The following USP34 variants were observed in gnomAD, a reference collection of about 807,000 sequenced individuals.
USP34 encodes ubiquitin specific peptidase 34, also known as ubiquitin carboxyl-terminal hydrolase 34.
USP34 carries 70 observed loss-of-function variants against 460.3 expected under a neutral mutation model. The observed-to-expected ratio is 0.15, with a 90% CI of 0.13 to 0.19. USP34 has a LOEUF of 0.19. Ranked by LOEUF, USP34 falls within the 10% of genes least tolerant of loss-of-function variation. USP34 has a pLI of 1.00. For missense variants in USP34, 3,985 were observed against 4,236.2 expected (o/e 0.94, Z 1.65); for synonymous variants, 1,647 against 1,405.3 (o/e 1.17, Z -3.85).
chr2:61,315,749 G>A (rs1024372967), intron 23 of USP34, among the ~76,000 whole-genome samples: 1 of 152,118 alleles, frequency 6.6e-6, no homozygotes, highest in East Asian at 1.9e-4. Flanking sequence ...AAAAAGTGGC[G>A]AGTGGAAGCT....
At chr2:61,314,494 C>G (rs1690684272) in intron 25 of USP34, 91 bp downstream of exon 25, 3 of 1,227,110 alleles carry the variant, frequency 2.4e-6, no homozygotes, top group Admixed American at 3.2e-5. Context: ...TTGACCCCAA[C>G]AAAAACTTTA....
intron 33 of USP34, among the ~76,000 whole-genome samples, chr2:61,291,354 A>G (rs1282004371): frequency 6.6e-6 from 1 of 152,180 alleles, no homozygotes; most frequent in Non-Finnish European, 1.5e-5. Context: ...TAGAAATGTA[A>G]AATGTTGCAG....
At chr2:61,372,668 GT>G (rs1378841550) in intron 8 of USP34, among the ~76,000 whole-genome samples, 2 of 152,148 alleles carry the variant, frequency 1.3e-5, no homozygotes, top group African/African-American at 4.8e-5. Context: ...TAATCGTGCT[GT>G]TGCTGCACTC....
chr2:61,234,754 C>T (rs561597414), intron 57 of USP34, among the ~76,000 whole-genome samples: 2 of 152,260 alleles, frequency 1.3e-5, no homozygotes, highest in Middle Eastern at 3.4e-3. Flanking sequence ...ATTCTCCTGC[C>T]TCAGCCTCCC....
intron 20 of USP34, among the ~76,000 whole-genome samples, chr2:61,327,313 G>A (rs1317307517): frequency 6.6e-6 from 1 of 152,190 alleles, no homozygotes; most frequent in Non-Finnish European, 1.5e-5. Context: ...ACTCACCTTT[G>A]TGAAAGTGAA....
In USP34 at chr2:61,190,576, T is replaced by C; in HGVS notation, c.9671A>G (p.Glu3224Gly). ...AEYIKCILMD[E>G]RTFLNNNIVY... ...AATGTTGTTGTTTAAAAAAGTTCTT[T>C]CATCCATTAGGATACATTTAATATA... The change falls in exon 77 of 80, where the codon GAA becomes GGA. Residue 3224 changes from glutamate (E) to glycine (G), a missense_variant. Around this residue, in one of 14 missense-constraint regions of USP34, gnomAD observed 506 missense variants for 439.0 expected, o/e 1.15. Transcript: ENST00000398571. The C allele has an allele frequency of 1.2e-6, 2 of 1,614,128 alleles. No homozygotes were observed. Among genetic ancestry groups the C allele is most frequent in the East Asian group, 2.2e-5 (1 of 44,872 alleles).
intron 51 of USP34, among the ~76,000 whole-genome samples, chr2:61,242,023 TTTTTA>T (rs1164567403): frequency 6.7e-5 from 10 of 150,146 alleles, no homozygotes; most frequent in African/African-American, 2.3e-4. Context: ...GTTTTTATTA[TTTTTA>T]TTATTTTTAG....
chr2:61,304,326 C>A (rs1432639881), intron 27 of USP34, among the ~76,000 whole-genome samples: 1 of 152,248 alleles, frequency 6.6e-6, no homozygotes, highest in African/African-American at 2.4e-5. Context: ...TAACTTTGTT[C>A]CAAAAGAGAA....
At chr2:61,420,938 A>G (rs771706150) in intron 1 of USP34, 105 bp from the exon 2 acceptor site, 2 of 717,840 alleles carry the variant, frequency 2.8e-6, no homozygotes, top group Non-Finnish European at 4.3e-6. Flanking sequence ...ATTTCAGATA[A>G]TCATTCTTTT....
intron 5 of USP34, among the ~76,000 whole-genome samples, chr2:61,391,436 T>C (rs575835544): frequency 1.3e-5 from 2 of 152,306 alleles, no homozygotes; most frequent in African/African-American, 4.8e-5. Flanking sequence ...TGATTTAGTA[T>C]AATAGAGAAA....
intron 5 of USP34, among the ~76,000 whole-genome samples, chr2:61,393,640 T>C (rs1693422966): frequency 6.6e-6 from 1 of 152,098 alleles, no homozygotes; most frequent in South Asian, 2.1e-4. Flanking sequence ...CAACAAAATA[T>C]TTGGTTGAGT....
At chr2:61,375,929 A>G (rs745875730) in intron 8 of USP34, among the ~76,000 whole-genome samples, 4 of 152,152 alleles carry the variant, frequency 2.6e-5, no homozygotes, top group Non-Finnish European at 5.9e-5. Context: ...CAAACAAACG[A>G]ACAAGAGTAT....
At chr2:61,316,878 T>TC (rs1447905018) in intron 23 of USP34, among the ~76,000 whole-genome samples, 1 of 152,084 alleles carries the variant, frequency 6.6e-6, no homozygotes, top group Non-Finnish European at 1.5e-5. Context: ...AGAGCCAGAC[T>TC]CCATCTCAAA....
rs546626981 is a variant in USP34, at chr2:61,470,715, T to A, written c.-23A>T. ...CATCGTTCGGCCGCCGCCCCCCCCC[T>A]CCCCCGCTTCGGATCACACTGACTG... On this transcript the variant is annotated 5_prime_UTR_variant, in exon 1 of 80. Coordinates refer to ENST00000398571, the MANE Select transcript of USP34 (RefSeq NM_014709.4). The A allele has an allele frequency of 7.9e-6, 12 of 1,512,782 alleles. No individual in the cohort carries two copies. Among genetic ancestry groups the A allele is most frequent in the Non-Finnish European group, 1.1e-5 (12 of 1,113,996 alleles). 93.7% of individuals were successfully genotyped at this position (1,512,782 alleles called of 1,614,324 possible).
intron 10 of USP34, among the ~76,000 whole-genome samples, chr2:61,368,792 G>T (rs975333077): frequency 4.6e-5 from 7 of 152,078 alleles, no homozygotes; most frequent in Non-Finnish European, 7.4e-5. Flanking sequence ...ATAATGTTGT[G>T]AATGGAGAAG....
chr2:61,314,507 T>C, intron 25 of USP34, 78 bp downstream of exon 25: 1 of 1,293,950 alleles, frequency 7.7e-7, no homozygotes, highest in Non-Finnish European at 1.0e-6. Flanking sequence ...AAACTTTAGA[T>C]TCACTTTAAG....
In USP34 at chr2:61,428,511, C is replaced by T. The variant is rs74744890; in HGVS notation, c.44-7678G>A. Among the ~76,000 whole-genome samples the T allele has an allele frequency of 8.1e-3, 1,231 of 152,242 alleles. 20 individuals are homozygous for T. Among genetic ancestry groups the T allele is most frequent in the African/African-American group, 0.028 (1,177 of 41,554 alleles). On this transcript the variant is annotated intron_variant, in intron 1 of 79. Transcript: ENST00000398571. ...CTAACTATGACATTAAGTGGCACTC[C>T]AACCAACCCCATGGAAGAACACAAC... is the stretch of plus-strand genomic sequence containing the variant.
chr2:61,339,541 C>T (rs370255438), intron 17 of USP34, 25 bp downstream of exon 17: 59 of 1,568,428 alleles, frequency 3.8e-5, no homozygotes, highest in Non-Finnish European at 4.9e-5. Flanking sequence ...ATTTCTTACT[C>T]TTCTGGTTCT....
chr2:61,260,780 T>C (rs1421831549), intron 43 of USP34, among the ~76,000 whole-genome samples: 2 of 152,176 alleles, frequency 1.3e-5, no homozygotes, highest in African/African-American at 2.4e-5. Flanking sequence ...TATCAAAGTA[T>C]TGATTCAGGA....
Sources: gnomAD v4.1 joint callset for allele counts (sites outside exome capture counted in the v4.1 genomes callset) on GRCh38, gnomAD v4.1.1 for gene constraint, gnomAD v4.1.1 regional missense constraint, MANE v1.5 for transcripts, NCBI Gene and HGNC (gene_info 2026-07-23, HGNC 2026-07-21) for gene names.